Variants in ADAMTS3 observed in about 807,000 individuals in gnomAD.
ADAMTS3 encodes ADAM metallopeptidase with thrombospondin type 1 motif 3.
ADAMTS3 carries 73 observed loss-of-function variants against 129.0 expected under a neutral mutation model. That is an observed-to-expected ratio of 0.57 (90% CI 0.47 to 0.69). The LOEUF (loss-of-function observed/expected upper bound fraction) is 0.69. Ranked by LOEUF, ADAMTS3 falls within the 30% of genes least tolerant of loss-of-function variation. The probability of loss-of-function intolerance (pLI) is 0.00; values close to 1 mark genes in which losing one functional copy is unlikely to be tolerated. For synonymous variants in ADAMTS3, 477 were observed against 510.8 expected, an observed-to-expected ratio of 0.93 and a Z score of 0.89; for missense variants, 1,457 against 1,514.5, an observed-to-expected ratio of 0.96 and a Z score of 0.63.
At chr4:72,445,738 G>T (rs961947025) in intron 3 of ADAMTS3, among the ~76,000 whole-genome samples, 1 of 151,644 alleles carries the variant, frequency 6.6e-6, no homozygotes, top group African/African-American at 2.4e-5. Context: ...AACACCAAGT[G>T]CTGTCACCTT....
At chr4:72,295,904 C>G in intron 18 of ADAMTS3, 118 bp from the exon 19 acceptor site, 3 of 1,258,794 alleles carry the variant, frequency 2.4e-6, no homozygotes, top group Non-Finnish European at 3.3e-6. Flanking sequence ...GTATTGAGTG[C>G]ATACAAACCG....
intron 2 of ADAMTS3, among the ~76,000 whole-genome samples, chr4:72,550,782 G>A (rs543484638): frequency 7.9e-5 from 12 of 152,218 alleles, no homozygotes; most frequent in South Asian, 2.1e-4. Context: ...CAAGTGTCAC[G>A]GGTGCAGAGT....
chr4:72,438,050 A>G, intron 3 of ADAMTS3, among the ~76,000 whole-genome samples: 1 of 151,664 alleles, frequency 6.6e-6, no homozygotes. Context: ...ATTGTGATTT[A>G]AAGTGATTTT....
chr4:72,533,311 A>G (rs1038135073), intron 3 of ADAMTS3, among the ~76,000 whole-genome samples: 1 of 152,124 alleles, frequency 6.6e-6, no homozygotes, highest in Non-Finnish European at 1.5e-5. Flanking sequence ...CTGTCTTCCA[A>G]TTTCACATCT....
In ADAMTS3 at chr4:72,368,374, G is replaced by A. The variant is rs549539104; in HGVS notation, c.662-28681C>T. 3.3e-5 allele frequency among the ~76,000 whole-genome samples: 5 copies of A among 152,252 alleles called. No individual in the cohort carries two copies. In the South Asian group the frequency reaches 1.0e-3, roughly 32 times the overall value. On this transcript the variant is annotated intron_variant, in intron 4 of 21. Transcript: ENST00000286657. ...TATATCTTAGAATAAAGGGCTACTG[G>A]AGGTAAAACAATGAAGACTTGAGGA... is the stretch of plus-strand genomic sequence containing the variant.
chr4:72,362,141 T>C (rs1720745091), intron 4 of ADAMTS3, among the ~76,000 whole-genome samples: 1 of 123,220 alleles, frequency 8.1e-6, no homozygotes, highest in Non-Finnish European at 1.7e-5. Flanking sequence ...TCAATGTATC[T>C]GGACAGACTT....
At chr4:72,387,785 T>A (rs1034033506) in intron 4 of ADAMTS3, among the ~76,000 whole-genome samples, 1 of 152,174 alleles carries the variant, frequency 6.6e-6, no homozygotes, top group Non-Finnish European at 1.5e-5. Context: ...GATAAAGGGA[T>A]CCATCTCTTC....
At chr4:72,381,149 C>T (rs1274996611) in intron 4 of ADAMTS3, among the ~76,000 whole-genome samples, 1 of 152,074 alleles carries the variant, frequency 6.6e-6, no homozygotes, top group South Asian at 2.1e-4. Context: ...TGTAAAGTGG[C>T]TGTGTAGACT....
chr4:72,432,432 C>T (rs1476156129), intron 3 of ADAMTS3, among the ~76,000 whole-genome samples: 1 of 151,906 alleles, frequency 6.6e-6, no homozygotes, highest in Non-Finnish European at 1.5e-5. Context: ...GGTCTAGGGA[C>T]AATAACAGCA....
chr4:72,381,545 A>G (rs1721288613), intron 4 of ADAMTS3, among the ~76,000 whole-genome samples: 1 of 152,096 alleles, frequency 6.6e-6, no homozygotes, highest in Non-Finnish European at 1.5e-5. Flanking sequence ...ACGTATTTCA[A>G]CTTCTCTCTC....
chr4:72,342,028 T>A (rs1250068564), intron 4 of ADAMTS3, among the ~76,000 whole-genome samples: 1 of 152,184 alleles, frequency 6.6e-6, no homozygotes, highest in Non-Finnish European at 1.5e-5. Context: ...TCATAATGAA[T>A]TTGTCTTAGT....
At chr4:72,420,813 G>C (rs1176535977) in intron 3 of ADAMTS3, among the ~76,000 whole-genome samples, 2 of 152,170 alleles carry the variant, frequency 1.3e-5, no homozygotes, top group Non-Finnish European at 2.9e-5. Flanking sequence ...AAACAGAAAA[G>C]CCAAAATGGC....
At chr4:72,568,637 C>A (rs930608233) in intron 1 of ADAMTS3, 57 bp downstream of exon 1, 47 of 1,421,050 alleles carry the variant, frequency 3.3e-5, no homozygotes, top group Non-Finnish European at 4.4e-5. Flanking sequence ...AGGGGAGGAA[C>A]TTTTCGGGAA....
At chr4:72,504,382 G>A (rs1720102994) in intron 3 of ADAMTS3, among the ~76,000 whole-genome samples, 1 of 152,126 alleles carries the variant, frequency 6.6e-6, no homozygotes, top group African/African-American at 2.4e-5. Context: ...TCTTTAAGAA[G>A]GCCGAAAATA....
intron 3 of ADAMTS3, among the ~76,000 whole-genome samples, chr4:72,484,711 G>C (rs779622056): frequency 6.6e-6 from 1 of 152,182 alleles, no homozygotes; most frequent in Non-Finnish European, 1.5e-5. Flanking sequence ...GCAGCATGGC[G>C]GAAGTGTGCA....
In ADAMTS3 at chr4:72,339,581, G is replaced by A. The variant is rs1220876792; in HGVS notation, c.774C>T (p.Ile258=). ...AGTCATCCACTCCCAGCAGTACCTC[G>A]ATATTGTAATCGTTTTCTCCCGCGT... ...RRHAGENDYN[I]EVLLGVDDSV... is the part of the protein sequence containing the mutation. Residue 258 remains isoleucine, a synonymous_variant, in exon 5 of 22, where the codon ATC becomes ATT. Transcript: ENST00000286657. 5 of 1,613,786 alleles carry A rather than the reference G, an allele frequency of 3.1e-6. No homozygotes were observed. The highest frequency in any genetic ancestry group is 3.3e-5 in the Admixed American group (2 of 59,980).
At chr4:72,507,730 T>C (rs112382006) in intron 3 of ADAMTS3, among the ~76,000 whole-genome samples, 42 of 152,228 alleles carry the variant, frequency 2.8e-4, no homozygotes, top group African/African-American at 7.9e-4. Flanking sequence ...CACCACTGCA[T>C]CCATGAAACC....
chr4:72,425,947 T>C (rs1037470336), intron 3 of ADAMTS3, among the ~76,000 whole-genome samples: 3 of 151,982 alleles, frequency 2.0e-5, no homozygotes, highest in African/African-American at 4.8e-5. Context: ...TACAGTCCCA[T>C]CAACAGTGTA....
chr4:72,381,494 A>C (rs1215096569), intron 4 of ADAMTS3, among the ~76,000 whole-genome samples: 1 of 152,170 alleles, frequency 6.6e-6, no homozygotes, highest in Non-Finnish European at 1.5e-5. Context: ...AAATTGTATA[A>C]TCATTTTGTT....
Sources: allele counts gnomAD v4.1 joint callset (sites outside exome capture counted in the v4.1 genomes callset), GRCh38; gene constraint gnomAD v4.1.1; transcripts MANE v1.5; gene names NCBI Gene and HGNC (gene_info 2026-07-23, HGNC 2026-07-21).